Variants in GRIA2 observed in about 807,000 individuals in gnomAD.
The protein encoded by GRIA2 is glutamate ionotropic receptor AMPA type subunit 2, also known as glutamate receptor 2.
In GRIA2, 14 loss-of-function variants were observed where a neutral mutation model predicts 97.3. That is an observed-to-expected ratio of 0.14 (90% CI 0.10 to 0.23). GRIA2 has a LOEUF of 0.23. GRIA2 is among the 10% of genes least tolerant of loss of function. The pLI is 1.00. For missense variants in GRIA2, 558 were observed against 1,069.8 expected (o/e 0.52, Z 6.67); for synonymous variants, 412 against 387.8 (o/e 1.06, Z -0.73).
chr4:157,225,781 G>T (rs572433501), intron 2 of GRIA2, among the ~76,000 whole-genome samples: 1 of 151,470 alleles, frequency 6.6e-6, no homozygotes, highest in Non-Finnish European at 1.5e-5. Flanking sequence ...AAACACAAGC[G>T]GTTTAATACA....
chr4:157,362,994 A>G lies in GRIA2; in HGVS notation c.2602A>G (p.Thr868Ala). The change falls in exon 15 of 16, where the codon ACT becomes GCT. Residue 868 changes from threonine to alanine, a missense_variant. Thr to Ala is a moderately conservative substitution (Grantham distance 58). Transcript: ENST00000264426. ...SSSQNSQNFA[T>A]YKEGYNVYGI... is the part of the protein sequence containing the mutation. Reference sequence around the variant, plus strand: ...CTCGCAGAATTCACAGAATTTTGCAACTTATAAGGAAGGTTACAACGTATA... The same window carrying G: ...CTCGCAGAATTCACAGAATTTTGCAGCTTATAAGGAAGGTTACAACGTATA... The G allele has an allele frequency of 6.2e-7, 1 of 1,613,460 alleles. No individual in the cohort carries two copies. Among genetic ancestry groups the G allele is most frequent in the Non-Finnish European group, 8.5e-7 (1 of 1,179,524 alleles).
chr4:157,315,603 C>T (rs149025703), intron 4 of GRIA2, among the ~76,000 whole-genome samples: 25 of 151,878 alleles, frequency 1.6e-4, no homozygotes, highest in South Asian at 8.3e-4. Context: ...ACTGCAGTGG[C>T]GCAATCTCAG....
chr4:157,251,044 A>T (rs1354764456), intron 2 of GRIA2, among the ~76,000 whole-genome samples: 1 of 152,090 alleles, frequency 6.6e-6, no homozygotes, highest in Non-Finnish European at 1.5e-5. Flanking sequence ...CAGAAACAGA[A>T]ATTTAATTAC....
At chr4:157,301,165 C>T (rs889585736) in intron 2 of GRIA2, among the ~76,000 whole-genome samples, 2 of 152,118 alleles carry the variant, frequency 1.3e-5, no homozygotes, top group African/African-American at 4.8e-5. Context: ...CATTTGGAAT[C>T]ATCAATTGCT....
chr4:157,299,810 G>T (rs1231837355), intron 2 of GRIA2, among the ~76,000 whole-genome samples: 1 of 152,098 alleles, frequency 6.6e-6, no homozygotes, highest in Non-Finnish European at 1.5e-5. Flanking sequence ...TTTAATTACA[G>T]AACTCAGTGA....
chr4:157,311,245 CA>C (rs1734067509), intron 3 of GRIA2, among the ~76,000 whole-genome samples: 2 of 151,910 alleles, frequency 1.3e-5, no homozygotes, highest in African/African-American at 4.8e-5. Flanking sequence ...TAGCATCTAC[CA>C]AAGTCAAGCA....
intron 2 of GRIA2, among the ~76,000 whole-genome samples, chr4:157,266,860 A>G (rs1307639229): frequency 6.6e-6 from 1 of 151,920 alleles, no homozygotes; most frequent in African/African-American, 2.4e-5. Flanking sequence ...GGAGTTCGAG[A>G]TGAGTCTGGG....
At chr4:157,353,674 C>T (rs554894410) in intron 12 of GRIA2, among the ~76,000 whole-genome samples, 4 of 152,160 alleles carry the variant, frequency 2.6e-5, no homozygotes, top group African/African-American at 9.6e-5. Context: ...CAGAGCCAGA[C>T]TCCGTCTCAA....
At chr4:157,339,849 G>A (rs1175591905) in intron 11 of GRIA2, among the ~76,000 whole-genome samples, 3 of 151,722 alleles carry the variant, frequency 2.0e-5, no homozygotes, top group African/African-American at 4.8e-5. Flanking sequence ...TCTACATAAG[G>A]CATTTTTCAA....
intron 3 of GRIA2, among the ~76,000 whole-genome samples, chr4:157,304,282 C>T (rs116535053): frequency 6.6e-6 from 1 of 152,268 alleles, no homozygotes; most frequent in African/African-American, 2.4e-5. Flanking sequence ...CAGGATCAAC[C>T]CACGTATGGT....
rs67497887 is a variant in GRIA2 at position 157,298,611 on chromosome 4, C to CTTTTTT, written c.230-4919_230-4914dup. On this transcript the variant is annotated intron_variant, in intron 2 of 15. Transcript: ENST00000264426. ...TGGAAGGTGACAGATTGAAGCTAAG[C>CTTTTTT]TTTTTTTTTTTTTTTTTTTTTTTTT... 4.1e-4 allele frequency among the ~76,000 whole-genome samples: 14 copies of CTTTTTT among 34,320 alleles called. 2 individuals are homozygous for CTTTTTT. Among genetic ancestry groups the CTTTTTT allele is most frequent in the South Asian group, 1.9e-3 (1 of 526 alleles). The allele number at this position is 34,320 out of a possible 152,430, so 22.5% of individuals were successfully genotyped here.
At chr4:157,247,650 C>A (rs951088563) in intron 2 of GRIA2, among the ~76,000 whole-genome samples, 1 of 152,032 alleles carries the variant, frequency 6.6e-6, no homozygotes, top group Non-Finnish European at 1.5e-5. Flanking sequence ...AGGGTTATTT[C>A]GGGGGAGGCA....
intron 2 of GRIA2, among the ~76,000 whole-genome samples, chr4:157,228,844 C>T (rs1308591797): frequency 6.7e-6 from 1 of 149,198 alleles, no homozygotes; most frequent in African/African-American, 2.5e-5. Flanking sequence ...CACCTCCCCC[C>T]ACCAAAAAAA....
At chr4:157,344,465 G>A (rs1735683474) in intron 12 of GRIA2, among the ~76,000 whole-genome samples, 2 of 152,054 alleles carry the variant, frequency 1.3e-5, no homozygotes, top group African/African-American at 4.8e-5. Flanking sequence ...GGTGAAGTGG[G>A]CTAAAGCCAG....
intron 1 of GRIA2, 174 bp from the exon 2 acceptor site, chr4:157,221,493 A>G (rs1729490630): frequency 3.0e-6 from 2 of 659,150 alleles, no homozygotes; most frequent in Non-Finnish European, 5.2e-6. Context: ...CTGGGTCTTG[A>G]CCCCTTGGCT....
chr4:157,314,782 C>T (rs1734237825), intron 4 of GRIA2, among the ~76,000 whole-genome samples: 1 of 152,038 alleles, frequency 6.6e-6, no homozygotes, highest in African/African-American at 2.4e-5. Context: ...GTATTTTGCA[C>T]ATATATATTA....
rs578015830 is a variant in GRIA2, at chr4:157,270,676, C to G, written c.230-32876C>G. On this transcript the variant is annotated intron_variant, in intron 2 of 15. Transcript: ENST00000264426. ...ACACACAAGCGAACTGATTGTAAGA[C>G]TATGACACCTTGTGTGCACCCTTAT... Among the ~76,000 whole-genome samples the G allele has an allele frequency of 2.6e-5, 4 of 152,180 alleles. No homozygotes were observed. The South Asian group carries it at 6.2e-4, about 24-fold the overall frequency.
At chr4:157,228,223 A>G (rs968089855) in intron 2 of GRIA2, among the ~76,000 whole-genome samples, 3 of 152,180 alleles carry the variant, frequency 2.0e-5, no homozygotes, top group African/African-American at 7.2e-5. Context: ...TTTACAGTAG[A>G]TGTTCTTATC....
Position 157,312,745 on chromosome 4 carries a change from A to G in GRIA2, c.536A>G (p.Asn179Ser), listed in dbSNP as rs533133773. 3.7e-6 allele frequency: 6 copies of G among 1,610,470 alleles called. No individual in the cohort carries two copies. The African/African-American group carries it at 5.3e-5, about 14-fold the overall frequency. The change falls in exon 4 of 16, where the codon AAT becomes AGT. Residue 179 changes from asparagine to serine, a missense_variant. Physicochemically the swap from Asn to Ser is conservative, Grantham distance 46. This residue lies in a region of GRIA2 where 173 missense variants were observed against 209.1 expected (regional missense o/e 0.83). Transcript: ENST00000264426. ...AEKKWQVTAI[N>S]VGNINNDKKD... ...AAGAAATGGCAAGTGACTGCTATCA[A>G]TGTGGGAAACATTAACAATGACAAG... is the stretch of plus-strand genomic sequence containing the variant.
Sources: allele counts gnomAD v4.1 joint callset (sites outside exome capture counted in the v4.1 genomes callset), GRCh38; gene constraint gnomAD v4.1.1; regional missense constraint gnomAD v4.1.1; transcripts MANE v1.5; gene names NCBI Gene and HGNC (gene_info 2026-07-23, HGNC 2026-07-21).